The following RASA2 variants were observed in gnomAD, a reference collection of about 807,000 sequenced individuals.
RASA2 encodes RAS p21 protein activator 2, also known as ras GTPase-activating protein 2.
In RASA2, 155 loss-of-function variants were observed where a neutral mutation model predicts 118.2. The observed-to-expected ratio is 1.31, with a 90% CI of 1.15 to 1.50. RASA2 has a LOEUF of 1.50. Among genes scored for constraint, RASA2 ranks in the 40% most tolerant of loss-of-function variants. The pLI, the probability that RASA2 is intolerant of heterozygous loss-of-function variation, is 0.00. For synonymous variants in RASA2, 353 were observed against 349.1 expected, an observed-to-expected ratio of 1.01 and a Z score of -0.12; for missense variants, 1,016 against 1,009.6, an observed-to-expected ratio of 1.01 and a Z score of -0.09.
In RASA2 at chr3:141,529,673, A is replaced by G. The variant is rs79308158; in HGVS notation, c.356-35A>G. On this transcript the variant is annotated intron_variant, in intron 3 of 23. Coordinates refer to ENST00000286364, the MANE Select transcript of RASA2 (RefSeq NM_006506.5). ...AATGAGTCTTAGGATTATACGAAGC[A>G]TGTTTTCTTATATTGTTTTACTTAT... is the stretch of plus-strand genomic sequence containing the variant. 87,173 of 1,451,152 alleles carry G rather than the reference A, an allele frequency of 0.06. 3,163 individuals carry two copies. The highest frequency in any genetic ancestry group is 0.072 in the Non-Finnish European group (74,482 of 1,035,572). 89.9% of individuals were successfully genotyped at this position (1,451,152 alleles called of 1,614,324 possible). A position where few individuals can be genotyped will look rare whatever the true frequency, so the allele number is the denominator to read the frequency against.
At position 141,523,021 on chromosome 3, in the gene RASA2, G is replaced by A. The variant is rs2082133559; in HGVS notation, c.355+6590G>A. On this transcript the variant is annotated intron_variant, in intron 3 of 23. Coordinates refer to ENST00000286364, the MANE Select transcript of RASA2 (RefSeq NM_006506.5). ...ACTTACTCTGCTCTAATGGAACCTA[G>A]GAGAGTCAGAAGGAGCCTGAGTGTG... 2.0e-5 allele frequency among the ~76,000 whole-genome samples: 3 copies of A among 152,132 alleles called. No homozygotes were observed. The South Asian group carries it at 6.2e-4, about 32-fold the overall frequency.
In RASA2 at chr3:141,530,522, C is replaced by T. The variant is rs965951769; in HGVS notation, c.450+720C>T. 3.3e-5 allele frequency among the ~76,000 whole-genome samples: 5 copies of T among 151,750 alleles called. No individual in the cohort carries two copies. The East Asian group carries it at 5.8e-4, about 18-fold the overall frequency. ...TGGTAAGGATTGTGAAACCATTTCC[C>T]GAGGGCATAATTGCAAGCAGGATTC... On this transcript the variant is annotated intron_variant, in intron 4 of 23. Transcript: ENST00000286364.
chr3:141,493,127 T>C (rs1418406413), intron 1 of RASA2, among the ~76,000 whole-genome samples: 2 of 152,214 alleles, frequency 1.3e-5, no homozygotes. Flanking sequence ...TCCACTATTA[T>C]CAAAGTTCTT....
At chr3:141,609,591 C>A in intron 22 of RASA2, 68 bp downstream of exon 22, 3 of 1,233,296 alleles carry the variant, frequency 2.4e-6, no homozygotes, top group Non-Finnish European at 3.4e-6. Flanking sequence ...ATTGCTTTAG[C>A]ATTATACAAA....
In RASA2 at chr3:141,586,637, T is replaced by C; in HGVS notation, c.1827-9T>C. ...TATAGCTAAATGTTTACATCTGTTA[T>C]GTTGGCAGTGAGATGTATAAAAGAG... is the stretch of plus-strand genomic sequence containing the variant. On this transcript the variant is annotated splice_polypyrimidine_tract_variant and intron_variant, in intron 18 of 23. Coordinates refer to ENST00000286364, the MANE Select transcript of RASA2 (RefSeq NM_006506.5). The C allele has an allele frequency of 6.4e-7, 1 of 1,560,778 alleles. No homozygotes were observed. The highest frequency in any genetic ancestry group is 8.8e-7 in the Non-Finnish European group (1 of 1,134,116).
intron 1 of RASA2, among the ~76,000 whole-genome samples, chr3:141,489,257 A>G (rs1024263365): frequency 1.3e-5 from 2 of 152,226 alleles, no homozygotes; most frequent in African/African-American, 4.8e-5. Flanking sequence ...GTATACTTAT[A>G]TACAGAAGCT....
chr3:141,509,877 C>G (rs1293246167), intron 1 of RASA2, among the ~76,000 whole-genome samples: 1 of 152,138 alleles, frequency 6.6e-6, no homozygotes, highest in Admixed American at 6.5e-5. Context: ...CCATTTTAGG[C>G]AGTTAATTAA....
chr3:141,611,813 G>T (rs1250734273), intron 23 of RASA2, among the ~76,000 whole-genome samples: 1 of 152,066 alleles, frequency 6.6e-6, no homozygotes, highest in African/African-American at 2.4e-5. Context: ...TCCTAATCCT[G>T]TCTTTTCTGT....
chr3:141,494,965 T>C (rs952367058), intron 1 of RASA2, among the ~76,000 whole-genome samples: 1 of 152,230 alleles, frequency 6.6e-6, no homozygotes. Flanking sequence ...GTAAGTTTCA[T>C]CTACTTATAT....
intron 1 of RASA2, among the ~76,000 whole-genome samples, chr3:141,493,886 A>G (rs1002177230): frequency 1.1e-4 from 17 of 152,226 alleles, no homozygotes; most frequent in African/African-American, 4.1e-4. Flanking sequence ...GTGCACTAAT[A>G]TATTCCTTCC....
At chr3:141,552,736 T>C (rs1421920894) in intron 5 of RASA2, among the ~76,000 whole-genome samples, 1 of 152,176 alleles carries the variant, frequency 6.6e-6, no homozygotes, top group Non-Finnish European at 1.5e-5. Flanking sequence ...ATAATAGAAA[T>C]GAGTCGTATT....
chr3:141,518,554 A>T (rs1042601148), intron 3 of RASA2, among the ~76,000 whole-genome samples: 1 of 138,730 alleles, frequency 7.2e-6, no homozygotes, highest in Non-Finnish European at 1.5e-5. Context: ...CTAACTTCTG[A>T]TGTTTCTCTG....
intron 9 of RASA2, among the ~76,000 whole-genome samples, chr3:141,562,691 T>A (rs1372898688): frequency 6.6e-6 from 1 of 151,436 alleles, no homozygotes; most frequent in Non-Finnish European, 1.5e-5. Flanking sequence ...CTTTTTTTTT[T>A]TATACGGAGT....
chr3:141,575,654 G>A (rs2082998888), intron 14 of RASA2, among the ~76,000 whole-genome samples: 1 of 151,754 alleles, frequency 6.6e-6, no homozygotes, highest in Non-Finnish European at 1.5e-5. Context: ...TCAAACCTGG[G>A]CCTAGTCTAC....
chr3:141,575,863 C>T (rs138710644), intron 14 of RASA2, among the ~76,000 whole-genome samples: 6 of 152,216 alleles, frequency 3.9e-5, no homozygotes, highest in East Asian at 3.9e-4. Flanking sequence ...GGCACAATCT[C>T]GGCTCACTGC....
chr3:141,591,407 G>A (rs142093785), intron 19 of RASA2, among the ~76,000 whole-genome samples: 1 of 152,092 alleles, frequency 6.6e-6, no homozygotes, highest in Non-Finnish European at 1.5e-5. Flanking sequence ...TTCCCTTACT[G>A]TGTATCTTCA....
At chr3:141,588,118 C>T (rs1382277000) in intron 19 of RASA2, among the ~76,000 whole-genome samples, 2 of 152,064 alleles carry the variant, frequency 1.3e-5, no homozygotes, top group East Asian at 3.9e-4. Context: ...GCACAAAATC[C>T]TCTTAGATTT....
intron 1 of RASA2, among the ~76,000 whole-genome samples, chr3:141,503,692 A>G (rs1243738800): frequency 6.6e-6 from 1 of 151,958 alleles, no homozygotes; most frequent in Non-Finnish European, 1.5e-5. Context: ...TTACTTATTT[A>G]TCTTATTTGT....
At chr3:141,518,092 G>T (rs1340066148) in intron 3 of RASA2, among the ~76,000 whole-genome samples, 2 of 152,102 alleles carry the variant, frequency 1.3e-5, no homozygotes, top group Non-Finnish European at 1.5e-5. Flanking sequence ...ATAGGCAGAG[G>T]TCTAATTTAC....
Sources: allele counts gnomAD v4.1 joint callset (sites outside exome capture counted in the v4.1 genomes callset), GRCh38; gene constraint gnomAD v4.1.1; transcripts MANE v1.5; gene names NCBI Gene and HGNC (gene_info 2026-07-23, HGNC 2026-07-21).